Variants in PCDH15 observed in about 807,000 individuals in gnomAD.
PCDH15 encodes the protein protocadherin-15.
Under a neutral mutation model 178.5 loss-of-function variants are expected in PCDH15, and 129 were observed. The observed-to-expected ratio is 0.72, with a 90% confidence interval of 0.63 to 0.84. PCDH15 has a LOEUF of 0.84. PCDH15 is among the 40% of genes least tolerant of loss of function. PCDH15 has a pLI of 0.00. For missense variants in PCDH15, 2,230 were observed against 2,099.9 expected (o/e 1.06, Z -1.21); for synonymous variants, 800 against 732.0 (o/e 1.09, Z -1.50).
intron 6 of PCDH15, among the ~76,000 whole-genome samples, chr10:54,335,529 TC>T (rs1309021670): frequency 4.6e-5 from 7 of 152,248 alleles, no homozygotes; most frequent in Non-Finnish European, 1.5e-5. Context: ...TCATGGCATT[TC>T]CCCATACTGT....
chr10:55,166,326 C>T (rs2589417), intron 2 of PCDH15, among the ~76,000 whole-genome samples: 151,495 of 152,288 alleles, frequency 0.99, 75,361 homozygotes, highest in East Asian at 1. Flanking sequence ...TTTAAATGTA[C>T]TAAAAGAGAA....
At chr10:55,069,485 T>A (rs1002443301) in intron 2 of PCDH15, among the ~76,000 whole-genome samples, 8 of 133,036 alleles carry the variant, frequency 6.0e-5, no homozygotes, top group African/African-American at 8.5e-5. Flanking sequence ...TGTCCATGTG[T>A]TCTCATTGTT....
chr10:54,693,192 A>T (rs1451302021), intron 1 of PCDH15, among the ~76,000 whole-genome samples: 2 of 152,024 alleles, frequency 1.3e-5, no homozygotes, highest in African/African-American at 2.4e-5. Context: ...TCTTAGGATG[A>T]TATTTCTCCT....
At chr10:53,828,617 G>A (rs755912934) in intron 30 of PCDH15, 44 bp from the exon 31 acceptor site, 66 of 1,452,694 alleles carry the variant, frequency 4.5e-5, no homozygotes, top group Non-Finnish European at 6.0e-5. Flanking sequence ...AGCTACATTA[G>A]AACTATTGCA....
intron 3 of PCDH15, among the ~76,000 whole-genome samples, chr10:54,856,733 T>C (rs996740188): frequency 1.3e-5 from 2 of 152,286 alleles, no homozygotes; most frequent in African/African-American, 2.4e-5. Context: ...ATGTGCTTCA[T>C]TGAATGTGCG....
At chr10:53,849,274 TC>T (rs940849277) in intron 28 of PCDH15, among the ~76,000 whole-genome samples, 2 of 152,146 alleles carry the variant, frequency 1.3e-5, no homozygotes, top group Non-Finnish European at 2.9e-5. Context: ...AAATATGATT[TC>T]TTTTTTTTAT....
chr10:54,050,834 T>C (rs1243115975), intron 18 of PCDH15, among the ~76,000 whole-genome samples: 1 of 152,180 alleles, frequency 6.6e-6, no homozygotes, highest in Non-Finnish European at 1.5e-5. Context: ...CTCATCTTGA[T>C]TGTAGTTCCC....
intron 1 of PCDH15, among the ~76,000 whole-genome samples, chr10:55,248,110 G>T (rs1365373978): frequency 6.6e-6 from 1 of 150,758 alleles, no homozygotes; most frequent in Non-Finnish European, 1.5e-5. Context: ...TTATTACAGA[G>T]GTTGGGGCTT....
At chr10:54,653,446 T>C (rs1385364674) in intron 2 of PCDH15, among the ~76,000 whole-genome samples, 1 of 152,206 alleles carries the variant, frequency 6.6e-6, no homozygotes, top group Non-Finnish European at 1.5e-5. Flanking sequence ...AAGGTGTGTA[T>C]TTTTAACCAC....
chr10:53,889,400 A>G (rs1435072383), intron 26 of PCDH15, among the ~76,000 whole-genome samples: 1 of 152,140 alleles, frequency 6.6e-6, no homozygotes, highest in Non-Finnish European at 1.5e-5. Flanking sequence ...AAAATGTTAG[A>G]AAGAGACCAA....
intron 1 of PCDH15, among the ~76,000 whole-genome samples, chr10:54,779,414 A>ATATACACACACACATATATGTG (rs1950046438): frequency 7.8e-6 from 1 of 128,344 alleles, no homozygotes; most frequent in Admixed American, 8.3e-5. Context: ...ATGTATATAT[A>ATATACACACACACATATATGTG]TATATATACA....
At chr10:54,889,498 A>C (rs1031915699) in intron 3 of PCDH15, among the ~76,000 whole-genome samples, 1 of 24,170 alleles carries the variant, frequency 4.1e-5, no homozygotes. Flanking sequence ...GCTAATTGTG[A>C]AGATATATAT....
chr10:55,226,706 C>T (rs1244092928), intron 1 of PCDH15, among the ~76,000 whole-genome samples: 1 of 151,980 alleles, frequency 6.6e-6, no homozygotes, highest in Non-Finnish European at 1.5e-5. Flanking sequence ...AAAAAGGTTA[C>T]TTGTAGAAAA....
intron 3 of PCDH15, among the ~76,000 whole-genome samples, chr10:54,879,935 C>T (rs1954230071): frequency 2.0e-5 from 3 of 151,934 alleles, no homozygotes; most frequent in Admixed American, 2.0e-4. Context: ...CTTCAAATCT[C>T]ATTAAAAGTA....
intron 2 of PCDH15, among the ~76,000 whole-genome samples, chr10:55,149,746 G>A (rs778853245): frequency 5.3e-5 from 8 of 151,946 alleles, no homozygotes; most frequent in South Asian, 4.2e-4. Context: ...CCAAGAAGAC[G>A]TCAACCTTTT....
chr10:54,235,650 TTTTAA>T (rs1190557348), intron 9 of PCDH15, among the ~76,000 whole-genome samples: 19 of 152,204 alleles, frequency 1.2e-4, no homozygotes, highest in African/African-American at 4.6e-4. Context: ...AAATATTGTA[TTTTAA>T]TTTATCTTTT....
chr10:55,283,969 C>A (rs1232177322), intron 1 of PCDH15, among the ~76,000 whole-genome samples: 1 of 148,698 alleles, frequency 6.7e-6, no homozygotes, highest in Admixed American at 6.6e-5. Context: ...AAGCTCTATA[C>A]AATACATGGC....
chr10:54,617,314 T>C (rs1040291287), intron 2 of PCDH15, among the ~76,000 whole-genome samples: 4 of 152,124 alleles, frequency 2.6e-5, no homozygotes, highest in Admixed American at 1.3e-4. Context: ...TTGTAAGATC[T>C]TGTAAGATGT....
chr10:55,070,412 G>A (rs1297133602), intron 2 of PCDH15, among the ~76,000 whole-genome samples: 54 of 149,102 alleles, frequency 3.6e-4, no homozygotes, highest in Non-Finnish European at 7.1e-4. Flanking sequence ...ATGGTTTTAG[G>A]TCTAACGTTT....
Sources: allele counts gnomAD v4.1 joint callset (sites outside exome capture counted in the v4.1 genomes callset), GRCh38; gene constraint gnomAD v4.1.1; transcripts MANE v1.5; gene names NCBI Gene and HGNC (gene_info 2026-07-23, HGNC 2026-07-21).